WWP2: variants seen among roughly 807,000 people sequenced by gnomAD.
The protein encoded by WWP2 is WW domain containing E3 ubiquitin protein ligase 2, also known as NEDD4-like E3 ubiquitin-protein ligase WWP2.
Under a neutral mutation model 121.0 loss-of-function variants are expected in WWP2, and 57 were observed. The observed-to-expected ratio is 0.47, with a 90% CI of 0.38 to 0.59. The LOEUF is 0.59. Ranked by LOEUF, WWP2 falls within the 20% of genes least tolerant of loss-of-function variation. The probability of loss-of-function intolerance (pLI) is 0.00; values close to 1 mark genes in which losing one functional copy is unlikely to be tolerated. For synonymous variants in WWP2, 449 were observed against 441.3 expected (o/e 1.02, Z -0.22); for missense variants, 962 against 1,158.9 (o/e 0.83, Z 2.47).
At position 69,849,843 on chromosome 16, in the gene WWP2, A is replaced by G. The variant is rs1323320248; in HGVS notation, c.575+7723A>G. Among the ~76,000 whole-genome samples, 33 of 89,286 alleles carry G rather than the reference A, an allele frequency of 3.7e-4. 1 individual carries two copies. The highest frequency in any genetic ancestry group is 5.9e-5 in the Non-Finnish European group (3 of 50,592). The allele number at this position is 89,286 out of a possible 152,430, so 58.6% of individuals were successfully genotyped here. A position where few individuals can be genotyped will look rare whatever the true frequency, so the allele number is the denominator to read the frequency against. ...AATCATGGAGATTAATTACACACTC[A>G]TTTATACATTGGTTTATTTTGCATC... On this transcript the variant is annotated intron_variant, in intron 6 of 23. Transcript: ENST00000359154.
rs558547079 is a variant in WWP2, at chr16:69,779,231, G to A, written c.-15-7765G>A. 1.7e-3 allele frequency among the ~76,000 whole-genome samples: 258 copies of A among 152,304 alleles called. 3 individuals are homozygous for A. Among genetic ancestry groups the A allele is most frequent in the African/African-American group, 6.0e-3 (248 of 41,564 alleles). On this transcript the variant is annotated intron_variant, in intron 1 of 23. Coordinates refer to ENST00000359154, the MANE Select transcript of WWP2 (RefSeq NM_001270454.2). ...CTCCCGAAGTGCTGGGATTACAGGC[G>A]TGAGCCACTGTGCGTGGCCCCGGCC... is the stretch of plus-strand genomic sequence containing the variant.
chr16:69,800,633 C>G (rs1441170769), intron 4 of WWP2, among the ~76,000 whole-genome samples: 2 of 150,110 alleles, frequency 1.3e-5, no homozygotes, highest in African/African-American at 4.9e-5. Flanking sequence ...GGTGCAATCT[C>G]GGCTCACTGC....
At chr16:69,835,805 T>A (rs943353917) in intron 4 of WWP2, among the ~76,000 whole-genome samples, 7 of 51,558 alleles carry the variant, frequency 1.4e-4, no homozygotes, top group South Asian at 7.8e-4. Context: ...CCAAAGTAAA[T>A]TTTTTTTTTT....
chr16:69,799,252 A>G lies in WWP2; in HGVS notation c.297A>G (p.Ala99=). 1 of 1,614,152 alleles carries G rather than the reference A, an allele frequency of 6.2e-7. No homozygotes were observed. The change falls in exon 4 of 24, where the codon GCA becomes GCG. Residue 99 remains alanine (A), a synonymous_variant. Transcript: ENST00000359154. The surrounding 1 kb of genome is among the most constrained non-coding windows in gnomAD (Gnocchi z 4.5). ...TGAGAAATGAACTGCTAGGCACCGC[A>G]TCTGTCAACCTCTCCAACGTCTTGA... ...HTLRNELLGT[A]SVNLSNVLKN... is the part of the protein sequence containing the mutation.
chr16:69,820,688 T>C lies in WWP2; in HGVS notation c.341-19438T>C, dbSNP rs556397301. 1.8e-5 allele frequency among the ~76,000 whole-genome samples: 2 copies of C among 113,684 alleles called. 1 individual carries two copies. Among genetic ancestry groups the C allele is most frequent in the East Asian group, 5.4e-4 (2 of 3,704 alleles). 74.6% of individuals were successfully genotyped at this position (113,684 alleles called of 152,430 possible). On this transcript the variant is annotated intron_variant, in intron 4 of 23. Coordinates refer to ENST00000359154, the MANE Select transcript of WWP2 (RefSeq NM_001270454.2). ...ATTTTCTTGTAAGCGGTTCTCCCCA[T>C]ATACTACTGTTTATTTTGTTTATTT...
intron 6 of WWP2, among the ~76,000 whole-genome samples, chr16:69,851,260 C>T (rs1424336689): frequency 2.6e-5 from 4 of 151,748 alleles, no homozygotes; most frequent in African/African-American, 9.7e-5. Context: ...TCAAGTGATC[C>T]ACGTGCCTTG....
At chr16:69,901,716 T>A (rs1303674539) in intron 8 of WWP2, among the ~76,000 whole-genome samples, 1 of 152,188 alleles carries the variant, frequency 6.6e-6, no homozygotes, top group African/African-American at 2.4e-5. Context: ...TAATGAATAA[T>A]ACAAGCTGAT....
intron 9 of WWP2, among the ~76,000 whole-genome samples, chr16:69,914,446 C>T (rs1309607871): frequency 6.6e-6 from 1 of 151,982 alleles, no homozygotes; most frequent in Non-Finnish European, 1.5e-5. Flanking sequence ...TAGAGCAGGA[C>T]CTTCACAATT....
rs12149320 is a variant in WWP2 at position 69,925,918 on chromosome 16, G to C, written c.1234+434G>C. The stretch of plus-strand genomic sequence containing the variant: ...CTAACAAATCTTTCTTTGCAGCTGA[G>C]ATGTTGGAGGACTTTGGTCTAATTT... On this transcript the variant is annotated intron_variant, in intron 11 of 23. Transcript: ENST00000359154. The surrounding 1 kb of genome is among the most constrained non-coding windows in gnomAD (Gnocchi z 4.0). 0.35 allele frequency: 55,388 copies of C among 160,230 alleles called. 10,705 individuals are homozygous for C. Among genetic ancestry groups the C allele is most frequent in the Non-Finnish European group, 0.43 (31,527 of 73,740 alleles). The allele number at this position is 160,230 out of a possible 1,614,324, so 9.9% of individuals were successfully genotyped here. A position where few individuals can be genotyped will look rare whatever the true frequency, so the allele number is the denominator to read the frequency against.
chr16:69,937,027 G>C lies in WWP2; in HGVS notation c.2118-91G>C, dbSNP rs1163494351. 24 of 1,513,750 alleles carry C rather than the reference G, an allele frequency of 1.6e-5. No individual in the cohort carries two copies. In the Admixed American group the frequency reaches 3.9e-4, roughly 25 times the overall value. The allele number at this position is 1,513,750 out of a possible 1,614,324, so 93.8% of individuals were successfully genotyped here. A position where few individuals can be genotyped will look rare whatever the true frequency, so the allele number is the denominator to read the frequency against. Reference sequence around the variant, plus strand: ...CGAAGTGGGCTCTGCTGATCTGGTGGTCCTGCGCGGTAACGGCCACGCGGC... The same window carrying C: ...CGAAGTGGGCTCTGCTGATCTGGTGCTCCTGCGCGGTAACGGCCACGCGGC... On this transcript the variant is annotated intron_variant, in intron 19 of 23. Transcript: ENST00000359154. The surrounding 1 kb of genome is among the most constrained non-coding windows in gnomAD (Gnocchi z 6.6).
At chr16:69,838,364 A>G (rs1207008634) in intron 4 of WWP2, among the ~76,000 whole-genome samples, 2 of 151,334 alleles carry the variant, frequency 1.3e-5, no homozygotes, top group Non-Finnish European at 2.9e-5. Flanking sequence ...CCCCCTCTTA[A>G]TCCACGTGCT....
chr16:69,828,155 G>A (rs1440443526), intron 4 of WWP2: 1 of 335,418 alleles, frequency 3.0e-6, no homozygotes, highest in Non-Finnish European at 5.8e-6. Context: ...AGAAATAAGG[G>A]TGGTCCTGGT....
At chr16:69,892,161 C>CT (rs11375021) in intron 8 of WWP2, among the ~76,000 whole-genome samples, 5,614 of 151,936 alleles carry the variant, frequency 0.037, 294 homozygotes, top group African/African-American at 0.12. Context: ...ATGATTCTCT[C>CT]TTTTTTTTAA....
At position 69,933,995 on chromosome 16, in the gene WWP2, G is replaced by A; in HGVS notation, c.1708G>A (p.Glu570Lys). ...AGAGTGGTTTTTCCTCCTGTCTCAT[G>A]AGGTGCTCAACCCTATGTATTGTTT... Reference protein sequence around the residue: ...AREWFFLLSHEVLNPMYCLFE... With the variant: ...AREWFFLLSHKVLNPMYCLFE... Residue 570 changes from glutamate (E) to lysine (K), a missense_variant, in exon 17 of 24, where the codon GAG becomes AAG. Around this residue, in one of 3 missense-constraint regions of WWP2, gnomAD observed 606 missense variants for 772.6 expected, o/e 0.78. Transcript: ENST00000359154. 1 of 1,613,920 alleles carries A rather than the reference G, an allele frequency of 6.2e-7. No individual in the cohort carries two copies. Among genetic ancestry groups the A allele is most frequent in the Non-Finnish European group, 8.5e-7 (1 of 1,179,886 alleles).
rs1332211190 is a variant in WWP2, at chr16:69,879,767, C to T, written c.703+7836C>T. Among the ~76,000 whole-genome samples the T allele has an allele frequency of 2.0e-5, 3 of 152,114 alleles. No individual in the cohort carries two copies. The East Asian group carries it at 5.8e-4, about 29-fold the overall frequency. ...ATTACTATGGTGATTTTGTATTTAA[C>T]ATGTCATGCCCATGCTAATGGGCAT... is the stretch of plus-strand genomic sequence containing the variant. On this transcript the variant is annotated intron_variant, in intron 7 of 23. Transcript: ENST00000359154.
chr16:69,815,709 C>A (rs934937230), intron 4 of WWP2, among the ~76,000 whole-genome samples: 6 of 151,310 alleles, frequency 4.0e-5, no homozygotes, highest in African/African-American at 1.5e-4. Flanking sequence ...ATTGCTTGAA[C>A]CTGAGAGGCG....
At chr16:69,803,428 A>T (rs1371791913) in intron 4 of WWP2, among the ~76,000 whole-genome samples, 2 of 152,100 alleles carry the variant, frequency 1.3e-5, no homozygotes, top group African/African-American at 4.8e-5. Flanking sequence ...TAGTGACATG[A>T]ATTCCTATTT....
At chr16:69,931,280 A>C (rs939835641) in intron 14 of WWP2, 53 bp downstream of exon 14, 2 of 1,601,268 alleles carry the variant, frequency 1.2e-6, no homozygotes, top group African/African-American at 2.7e-5. Context: ...GAGTTATTTC[A>C]GTGTGAGTTC....
chr16:69,921,001 T>A (rs2058554306), intron 10 of WWP2, among the ~76,000 whole-genome samples: 1 of 152,152 alleles, frequency 6.6e-6, no homozygotes, highest in Admixed American at 6.5e-5. Flanking sequence ...GAACTTTGAC[T>A]TGGAGGGTTC....
Sources: allele counts gnomAD v4.1 joint callset (sites outside exome capture counted in the v4.1 genomes callset), GRCh38; gene constraint gnomAD v4.1.1; regional missense constraint gnomAD v4.1.1; non-coding constraint Gnocchi (gnomAD v3.1); transcripts MANE v1.5; gene names NCBI Gene and HGNC (gene_info 2026-07-23, HGNC 2026-07-21).